TTC7B: variants seen among roughly 807,000 people sequenced by gnomAD.
The protein encoded by TTC7B is tetratricopeptide repeat domain 7B, also known as tetratricopeptide repeat protein 7B.
A neutral mutation model predicts 106.8 loss-of-function variants in TTC7B; 28 were observed. The ratio of observed to expected loss-of-function variants is 0.26; its 90% CI spans 0.19 to 0.36. The LOEUF is 0.36. Among genes scored for constraint, TTC7B ranks in the 10% least tolerant of loss-of-function variants. The pLI is 1.00. For synonymous variants in TTC7B, 405 were observed against 430.6 expected (o/e 0.94, Z 0.74); for missense variants, 862 against 1,076.4 (o/e 0.80, Z 2.79).
Position 90,816,203 on chromosome 14 carries a change from C to A in TTC7B, c.93G>T (p.Lys31Asn). The change falls in exon 1 of 20, where the codon AAG becomes AAT. Residue 31 changes from lysine to asparagine, a missense_variant. Coordinates refer to ENST00000328459, the MANE Select transcript of TTC7B (RefSeq NM_001010854.2). ...TGGCGATGAGCTTGGCCGACAGCTG[C>A]TTGACGAGCTCAGGGATCCGCTCCC... ...CQWERIPELV[K>N]QLSAKLIAND... 1 of 1,271,004 alleles carries A rather than the reference C, an allele frequency of 7.9e-7. No individual in the cohort carries two copies. The highest frequency in any genetic ancestry group is 1.0e-6 in the Non-Finnish European group (1 of 976,066). The allele number at this position is 1,271,004 out of a possible 1,614,324, so 78.7% of individuals were successfully genotyped here. A position where few individuals can be genotyped will look rare whatever the true frequency, so the allele number is the denominator to read the frequency against.
intron 3 of TTC7B, among the ~76,000 whole-genome samples, chr14:90,755,751 T>C (rs531338064): frequency 2.0e-5 from 3 of 152,212 alleles, no homozygotes; most frequent in Admixed American, 6.5e-5. Flanking sequence ...GCTTCTCCAT[T>C]TACCAGCTCT....
chr14:90,768,013 C>G (rs1890744932), intron 3 of TTC7B, among the ~76,000 whole-genome samples: 1 of 152,092 alleles, frequency 6.6e-6, no homozygotes, highest in Admixed American at 6.6e-5. Flanking sequence ...TACCAAGGCA[C>G]ATTATAGTAA....
At chr14:90,733,771 C>A (rs1291525887) in intron 4 of TTC7B, among the ~76,000 whole-genome samples, 1 of 152,150 alleles carries the variant, frequency 6.6e-6, no homozygotes, top group Non-Finnish European at 1.5e-5. Flanking sequence ...ACACTGCTCA[C>A]CCACCATTCG....
chr14:90,600,661 C>T lies in TTC7B; in HGVS notation c.1967-7035G>A, dbSNP rs552286542. Among the ~76,000 whole-genome samples, 1 of 152,184 alleles carries T rather than the reference C, an allele frequency of 6.6e-6. No homozygotes were observed. Among genetic ancestry groups the T allele is most frequent in the African/African-American group, 2.4e-5 (1 of 41,436 alleles). On this transcript the variant is annotated intron_variant, in intron 17 of 19. Transcript: ENST00000328459. The surrounding 1 kb of genome is among the most constrained non-coding windows in gnomAD (Gnocchi z 4.3). ...AGGACCCCAGTAAGGCAGGGAGGGC[C>T]GGGGACATGTCATCACCGGTGGGCA...
chr14:90,813,022 C>T (rs2030985371), intron 1 of TTC7B, among the ~76,000 whole-genome samples: 1 of 152,124 alleles, frequency 6.6e-6, no homozygotes, highest in Non-Finnish European at 1.5e-5. Flanking sequence ...AGAACTCTCC[C>T]ATAGCCCTGT....
chr14:90,695,600 C>T (rs751459510), intron 5 of TTC7B, 22 bp from the exon 6 acceptor site: 26 of 1,515,270 alleles, frequency 1.7e-5, no homozygotes, highest in African/African-American at 4.2e-5. Flanking sequence ...CAGAATTTGA[C>T]GGTTTTCATC....
intron 2 of TTC7B, among the ~76,000 whole-genome samples, chr14:90,782,827 CTGGAGA>C (rs1271844738): frequency 6.6e-6 from 1 of 152,010 alleles, no homozygotes; most frequent in Non-Finnish European, 1.5e-5. Context: ...GCAAAGAGTC[CTGGAGA>C]TGGAGGGTGG....
At chr14:90,660,788 G>A (rs1274441041) in intron 9 of TTC7B, among the ~76,000 whole-genome samples, 1 of 152,230 alleles carries the variant, frequency 6.6e-6, no homozygotes. Flanking sequence ...TATCACGCTA[G>A]TTGGTTTACT....
intron 19 of TTC7B, among the ~76,000 whole-genome samples, chr14:90,563,241 C>T (rs1400588607): frequency 2.0e-5 from 3 of 152,080 alleles, no homozygotes; most frequent in East Asian, 1.9e-4. Context: ...AGGTAAAGCT[C>T]GAAGGACACA....
Position 90,704,710 on chromosome 14 carries a change from G to A in TTC7B, c.699-9132C>T, listed in dbSNP as rs542659982. On this transcript the variant is annotated intron_variant, in intron 5 of 19. Coordinates refer to ENST00000328459, the MANE Select transcript of TTC7B (RefSeq NM_001010854.2). The stretch of plus-strand genomic sequence containing the variant: ...AAAGGGGTAGCAGAGAATTTATGCT[G>A]AGGCGTCTGAGCTTCACAGCAGAAA... 6.4e-4 allele frequency among the ~76,000 whole-genome samples: 97 copies of A among 152,328 alleles called. No individual in the cohort carries two copies. The South Asian group carries it at 0.011, about 17-fold the overall frequency.
In TTC7B at chr14:90,774,992, G is replaced by A. The variant is rs530183258; in HGVS notation, c.445+5746C>T. ...CGGGAGGCAGAAGTTACAGTGAGCC[G>A]AGATTGCGCCACTGCACTCCAGCCT... On this transcript the variant is annotated intron_variant, in intron 3 of 19. Coordinates refer to ENST00000328459, the MANE Select transcript of TTC7B (RefSeq NM_001010854.2). Among the ~76,000 whole-genome samples, 52 of 151,770 alleles carry A rather than the reference G, an allele frequency of 3.4e-4. No homozygotes were observed. In the South Asian group the frequency reaches 9.6e-3, roughly 28 times the overall value.
chr14:90,800,009 T>A (rs2030154275), intron 1 of TTC7B, among the ~76,000 whole-genome samples: 1 of 152,056 alleles, frequency 6.6e-6, no homozygotes, highest in South Asian at 2.1e-4. Context: ...ATTTTTGGTA[T>A]TTTTAGTAGA....
chr14:90,758,304 C>G (rs1264891054), intron 3 of TTC7B, among the ~76,000 whole-genome samples: 1 of 143,568 alleles, frequency 7.0e-6, no homozygotes, highest in African/African-American at 2.6e-5. Context: ...GCGCGAGATG[C>G]AGGGCACTGG....
chr14:90,598,325 A>G lies in TTC7B; in HGVS notation c.1967-4699T>C, dbSNP rs574494498. Among the ~76,000 whole-genome samples, 5 of 152,286 alleles carry G rather than the reference A, an allele frequency of 3.3e-5. No individual in the cohort carries two copies. In the South Asian group the frequency reaches 8.3e-4, roughly 25 times the overall value. ...AGGCCATCTGCATTTCCACAAGCCA[A>G]TGGCTTTCCTTGCCCTCCCACCTAG... On this transcript the variant is annotated intron_variant, in intron 17 of 19. Coordinates refer to ENST00000328459, the MANE Select transcript of TTC7B (RefSeq NM_001010854.2).
chr14:90,639,438 A>G (rs1193154201), intron 15 of TTC7B, among the ~76,000 whole-genome samples: 2 of 152,232 alleles, frequency 1.3e-5, no homozygotes, highest in Non-Finnish European at 2.9e-5. Flanking sequence ...AAATAAAAAG[A>G]TGTCCAAACT....
chr14:90,779,050 C>T (rs926647883), intron 3 of TTC7B, among the ~76,000 whole-genome samples: 5 of 152,212 alleles, frequency 3.3e-5, no homozygotes, highest in African/African-American at 7.2e-5. Context: ...GCTGGAGGGA[C>T]GCGCCACCCA....
intron 15 of TTC7B, among the ~76,000 whole-genome samples, chr14:90,638,043 G>C (rs1420209683): frequency 1.3e-5 from 2 of 150,974 alleles, no homozygotes; most frequent in Admixed American, 1.3e-4. Flanking sequence ...CATCACATCT[G>C]GCTACCCTTT....
At chr14:90,766,833 T>G in intron 3 of TTC7B, 1 of 1,596,102 alleles carries the variant, frequency 6.3e-7, no homozygotes, top group Non-Finnish European at 8.6e-7. Flanking sequence ...TCCTAGCCAA[T>G]GGTCTGGACA....
In TTC7B at chr14:90,575,658, G is replaced by A. The variant is rs1237024479; in HGVS notation, c.2310+2448C>T. On this transcript the variant is annotated intron_variant, in intron 19 of 19. Coordinates refer to ENST00000328459, the MANE Select transcript of TTC7B (RefSeq NM_001010854.2). The surrounding 1 kb of genome is among the most constrained non-coding windows in gnomAD (Gnocchi z 5.2). ...GCTGGGCTCCTGGGGACAGGCTGGG[G>A]AGAACACAGGCCAGGTGCATCATTT... is the stretch of plus-strand genomic sequence containing the variant. 6.6e-6 allele frequency among the ~76,000 whole-genome samples: 1 copy of A among 152,194 alleles called. No homozygotes were observed. The highest frequency in any genetic ancestry group is 1.5e-5 in the Non-Finnish European group (1 of 68,034).
Sources: allele counts gnomAD v4.1 joint callset (sites outside exome capture counted in the v4.1 genomes callset), GRCh38; gene constraint gnomAD v4.1.1; non-coding constraint Gnocchi (gnomAD v3.1); transcripts MANE v1.5; gene names NCBI Gene and HGNC (gene_info 2026-07-23, HGNC 2026-07-21).